CDH23: variants seen among roughly 807,000 people sequenced by gnomAD.
CDH23 encodes the protein cadherin related 23.
In CDH23, 189 loss-of-function variants were observed where a neutral mutation model predicts 317.1. That is an observed-to-expected ratio of 0.60 (90% confidence interval 0.53 to 0.67). CDH23 has a LOEUF of 0.67. Ranked by LOEUF, CDH23 falls within the 30% of genes least tolerant of loss-of-function variation. The pLI is 0.00. For missense variants in CDH23, 4,401 were observed against 4,592.4 expected (o/e 0.96, Z 1.20); for synonymous variants, 1,839 against 1,876.8 (o/e 0.98, Z 0.52).
rs369900526 is a variant in CDH23 at position 71,811,507 on chromosome 10, G to C, written c.9199-4G>C. ...CCGGGCTTACCCTGGTCCTGCTCCC[G>C]CAGATGGCGATCATCGTCCTGGCTA... On this transcript the variant is annotated splice_polypyrimidine_tract_variant and splice_region_variant and intron_variant, in intron 63 of 69. Transcript: ENST00000224721. 2 of 1,613,764 alleles carry C rather than the reference G, an allele frequency of 1.2e-6. No individual in the cohort carries two copies. Among genetic ancestry groups the C allele is most frequent in the Non-Finnish European group, 1.7e-6 (2 of 1,179,876 alleles).
intron 18 of CDH23, among the ~76,000 whole-genome samples, chr10:71,683,823 C>T (rs112781798): frequency 6.6e-5 from 10 of 152,164 alleles, no homozygotes; most frequent in African/African-American, 1.9e-4. Context: ...GGGCTGGGCG[C>T]GGTAATCCCA....
intron 14 of CDH23, among the ~76,000 whole-genome samples, chr10:71,651,122 G>A (rs1353635482): frequency 6.6e-6 from 1 of 152,176 alleles, no homozygotes; most frequent in Non-Finnish European, 1.5e-5. Flanking sequence ...GAGAGATCAG[G>A]GAGTACGCGA....
intron 11 of CDH23, among the ~76,000 whole-genome samples, chr10:71,620,805 G>C (rs1861429920): frequency 6.6e-6 from 1 of 152,326 alleles, no homozygotes; most frequent in South Asian, 2.1e-4. Context: ...CCATTTTCCA[G>C]CCTCCAGATG....
intron 17 of CDH23, among the ~76,000 whole-genome samples, chr10:71,680,522 C>T (rs994634239): frequency 3.3e-5 from 5 of 152,150 alleles, no homozygotes; most frequent in South Asian, 2.1e-4. Context: ...CCGAGACCGG[C>T]GGATCAATTG....
At chr10:71,547,938 C>T (rs942025871) in intron 6 of CDH23, among the ~76,000 whole-genome samples, 1 of 152,236 alleles carries the variant, frequency 6.6e-6, no homozygotes, top group Non-Finnish European at 1.5e-5. Context: ...GCGTGCTTGA[C>T]TCCAGCCGGG....
At chr10:71,788,676 C>G (rs544643736) in intron 44 of CDH23, among the ~76,000 whole-genome samples, 1 of 151,816 alleles carries the variant, frequency 6.6e-6, no homozygotes, top group African/African-American at 2.4e-5. Flanking sequence ...AGGATGGTCT[C>G]GATCTCCTGA....
At chr10:71,489,391 A>G (rs372784093) in intron 3 of CDH23, among the ~76,000 whole-genome samples, 2 of 152,166 alleles carry the variant, frequency 1.3e-5, no homozygotes, top group South Asian at 2.1e-4. Flanking sequence ...TCAAATGATC[A>G]TATTTTGATT....
intron 41 of CDH23, among the ~76,000 whole-genome samples, chr10:71,780,054 A>G (rs772409560): frequency 1.3e-5 from 2 of 152,254 alleles, no homozygotes; most frequent in Non-Finnish European, 2.9e-5. Flanking sequence ...CTGCGCAGCC[A>G]CAACTCAGCT....
At chr10:71,440,931 C>G (rs61853190) in intron 2 of CDH23, among the ~76,000 whole-genome samples, 2 of 152,146 alleles carry the variant, frequency 1.3e-5, no homozygotes, top group Non-Finnish European at 2.9e-5. Flanking sequence ...CAGCCTCGTG[C>G]TTGTTGGAGT....
At position 71,812,915 on chromosome 10, in the gene CDH23, G is replaced by A. The variant is rs753294366; in HGVS notation, c.9633+25G>A. 9.3e-6 allele frequency: 15 copies of A among 1,610,764 alleles called. No homozygotes were observed. In the African/African-American group the frequency reaches 1.1e-4, roughly 11 times the overall value. On this transcript the variant is annotated intron_variant, in intron 68 of 69. Coordinates refer to ENST00000224721, the MANE Select transcript of CDH23 (RefSeq NM_022124.6). ...GGTGAGCCTTCCCTGCAGGCTCCGC[G>A]CCCAGTCCCTTGGCTGAGGTTGGAC...
At chr10:71,535,633 C>T (rs541074280) in intron 6 of CDH23, among the ~76,000 whole-genome samples, 231 of 152,356 alleles carry the variant, frequency 1.5e-3, no homozygotes, top group African/African-American at 5.2e-3. Context: ...GACCTGTGTT[C>T]TGCCTGGTAG....
chr10:71,621,420 C>T (rs777148813), intron 11 of CDH23, among the ~76,000 whole-genome samples: 2 of 152,180 alleles, frequency 1.3e-5, no homozygotes, highest in Non-Finnish European at 2.9e-5. Context: ...CTGAATGGTG[C>T]ACGGGGGTGG....
At chr10:71,578,906 G>A (rs561581760) in intron 9 of CDH23, among the ~76,000 whole-genome samples, 20 of 152,316 alleles carry the variant, frequency 1.3e-4, no homozygotes, top group African/African-American at 4.3e-4. Flanking sequence ...TGTTGGAGTA[G>A]CATCCTGCCC....
intron 3 of CDH23, among the ~76,000 whole-genome samples, chr10:71,498,755 G>A (rs1853111212): frequency 6.6e-6 from 1 of 152,230 alleles, no homozygotes; most frequent in Admixed American, 6.5e-5. Context: ...AGGTGCCTAT[G>A]ACTGGTCCTC....
At chr10:71,803,526 G>A (rs1841620129) in intron 55 of CDH23, 106 bp downstream of exon 55, 4 of 1,017,150 alleles carry the variant, frequency 3.9e-6, no homozygotes, top group Non-Finnish European at 5.7e-6. Context: ...CTTGGCTTCA[G>A]GAAAGTAGCT....
intron 9 of CDH23, among the ~76,000 whole-genome samples, chr10:71,579,657 G>T (rs945111334): frequency 6.6e-6 from 1 of 152,188 alleles, no homozygotes; most frequent in African/African-American, 2.4e-5. Flanking sequence ...AGACGGGGAT[G>T]TGAGGAAGCC....
At chr10:71,689,560 T>A (rs1236832) in intron 19 of CDH23, among the ~76,000 whole-genome samples, 137,183 of 152,252 alleles carry the variant, frequency 0.9, 61,978 homozygotes, top group East Asian at 0.93. Flanking sequence ...ACAGGGCCAC[T>A]ATGGCCTGCC....
intron 6 of CDH23, among the ~76,000 whole-genome samples, chr10:71,535,050 C>G (rs1230268293): frequency 6.6e-6 from 1 of 152,226 alleles, no homozygotes; most frequent in Non-Finnish European, 1.5e-5. Context: ...CTCCGCGGCT[C>G]TTCAGGGAAG....
intron 6 of CDH23, among the ~76,000 whole-genome samples, chr10:71,528,168 G>T (rs1179384766): frequency 6.6e-6 from 1 of 152,072 alleles, no homozygotes; most frequent in Non-Finnish European, 1.5e-5. Flanking sequence ...GCACTAAAAG[G>T]GTCTCGTAGC....
Sources: allele counts gnomAD v4.1 joint callset (sites outside exome capture counted in the v4.1 genomes callset), GRCh38; gene constraint gnomAD v4.1.1; transcripts MANE v1.5; gene names NCBI Gene and HGNC (gene_info 2026-07-23, HGNC 2026-07-21).